The following ESR1 variants were observed in gnomAD, a reference collection of about 807,000 sequenced individuals.
The protein encoded by ESR1 is estrogen receptor 1, also known as estrogen receptor.
ESR1 carries 12 observed loss-of-function variants against 52.7 expected under a neutral mutation model. That is an observed-to-expected ratio of 0.23 (90% CI 0.15 to 0.37). The LOEUF (loss-of-function observed/expected upper bound fraction) is 0.37. Among genes scored for constraint, ESR1 ranks in the 10% least tolerant of loss-of-function variants. The pLI is 1.00. For synonymous variants in ESR1, 305 were observed against 316.8 expected (o/e 0.96, Z 0.39); for missense variants, 584 against 779.7 (o/e 0.75, Z 2.99).
At chr6:151,776,014 A>C (rs1436512247) in intron 2 of ESR1, among the ~76,000 whole-genome samples, 1 of 152,168 alleles carries the variant, frequency 6.6e-6, no homozygotes, top group Non-Finnish European at 1.5e-5. Flanking sequence ...CGGATCTTAA[A>C]TCCCTGAAAG....
chr6:151,897,627 T>A (rs185487396), intron 3 of ESR1, among the ~76,000 whole-genome samples: 2 of 152,220 alleles, frequency 1.3e-5, no homozygotes, highest in Admixed American at 1.3e-4. Context: ...GGTGATTGCT[T>A]ATCCATTCTG....
intron 1 of ESR1, among the ~76,000 whole-genome samples, chr6:151,828,214 G>A (rs1456164553): frequency 1.3e-5 from 2 of 152,170 alleles, no homozygotes; most frequent in African/African-American, 4.8e-5. Context: ...CACGGAATGA[G>A]TTCTACACAA....
intron 5 of ESR1, among the ~76,000 whole-genome samples, chr6:152,044,949 T>C (rs776363189): frequency 2.0e-5 from 3 of 152,200 alleles, no homozygotes. Flanking sequence ...GCTTTAGGGA[T>C]ATAGGGAAAA....
intron 6 of ESR1, among the ~76,000 whole-genome samples, chr6:152,090,039 AC>A (rs2050053877): frequency 6.6e-6 from 1 of 152,296 alleles, no homozygotes; most frequent in Admixed American, 6.5e-5. Flanking sequence ...CTGTCCAAAC[AC>A]CCTGTTAGGG....
intron 4 of ESR1, among the ~76,000 whole-genome samples, chr6:151,988,834 A>G (rs1375574468): frequency 6.6e-6 from 1 of 152,060 alleles, no homozygotes; most frequent in Admixed American, 6.5e-5. Flanking sequence ...TGAAAAAAAT[A>G]TCTTTTTTCT....
At chr6:152,032,740 T>C (rs1225907540) in intron 5 of ESR1, among the ~76,000 whole-genome samples, 3 of 152,052 alleles carry the variant, frequency 2.0e-5, no homozygotes, top group Admixed American at 6.6e-5. Context: ...GATTCAATGC[T>C]ATCCCCATCA....
At chr6:151,857,716 G>A (rs1276982105) in intron 2 of ESR1, among the ~76,000 whole-genome samples, 6 of 151,616 alleles carry the variant, frequency 4.0e-5, no homozygotes, top group African/African-American at 1.5e-4. Flanking sequence ...TTTAGTAGAG[G>A]CAGGGTTTCA....
At chr6:152,041,099 G>A (rs1353835922) in intron 5 of ESR1, among the ~76,000 whole-genome samples, 1 of 152,210 alleles carries the variant, frequency 6.6e-6, no homozygotes, top group South Asian at 2.1e-4. Flanking sequence ...CAGGCCAAGA[G>A]TTGTCTCTCA....
At chr6:151,989,642 T>C (rs2040828305) in intron 4 of ESR1, among the ~76,000 whole-genome samples, 1 of 152,138 alleles carries the variant, frequency 6.6e-6, no homozygotes, top group South Asian at 2.1e-4. Flanking sequence ...TGAATCCTGT[T>C]ACCTTCCATC....
exon 7 of ESR1, chr6:152,125,561 C>T (rs2053110546): frequency 1.8e-6 from 1 of 562,022 alleles, no homozygotes; most frequent in Non-Finnish European, 2.8e-6. Context: ...ATCAAATTTT[C>T]TTCAAAACAT....
At position 151,880,550 on chromosome 6, in the gene ESR1, G is replaced by A. The variant is rs9340845; in HGVS notation, c.644-105G>A. On this transcript the variant is annotated intron_variant, in intron 2 of 7. Transcript: ENST00000206249. ...GGCAGGCTGGGGAGCAACATAGTAA[G>A]GCTGAGGAAGTGATAGGAAAACAGC... The A allele has an allele frequency of 4.6e-4, 360 of 789,328 alleles. 2 individuals carry two copies. In the African/African-American group the frequency reaches 5.7e-3, roughly 12 times the overall value. 48.9% of individuals were successfully genotyped at this position (789,328 alleles called of 1,614,324 possible). A position where few individuals can be genotyped will look rare whatever the true frequency, so the allele number is the denominator to read the frequency against.
At chr6:151,685,295 G>A (rs919538933) in intron 1 of ESR1, among the ~76,000 whole-genome samples, 9 of 150,868 alleles carry the variant, frequency 6.0e-5, no homozygotes, top group Non-Finnish European at 1.0e-4. Context: ...CACCGCGCCC[G>A]GCTAATTTTT....
intron 1 of ESR1, chr6:151,811,389 A>C (rs558815572): frequency 2.6e-5 from 4 of 152,210 alleles, no homozygotes; most frequent in African/African-American, 7.2e-5. Context: ...TAACTATATC[A>C]ACTATCCTTT....
chr6:151,814,291 G>A (rs993929815), intron 1 of ESR1: 9 of 152,092 alleles, frequency 5.9e-5, no homozygotes, highest in African/African-American at 2.2e-4. Flanking sequence ...TCTTTCTTCT[G>A]TAGGTCTTTT....
intron 1 of ESR1, among the ~76,000 whole-genome samples, chr6:151,828,678 C>T (rs1190921198): frequency 1.3e-5 from 2 of 152,160 alleles, no homozygotes; most frequent in Admixed American, 1.3e-4. Context: ...ATAGCATGTC[C>T]AGACTCCAAA....
intron 6 of ESR1, among the ~76,000 whole-genome samples, chr6:152,108,621 A>G (rs935718445): frequency 6.6e-6 from 1 of 152,130 alleles, no homozygotes; most frequent in Non-Finnish European, 1.5e-5. Flanking sequence ...TACATATGCC[A>G]TGTGTTATTT....
chr6:152,063,293 A>G (rs535385723), intron 6 of ESR1, among the ~76,000 whole-genome samples: 1 of 152,328 alleles, frequency 6.6e-6, no homozygotes, highest in South Asian at 2.1e-4. Context: ...GACATAGTTT[A>G]TAGTTGTCTT....
intron 1 of ESR1, among the ~76,000 whole-genome samples, chr6:151,836,480 A>G (rs1370579403): frequency 6.6e-6 from 1 of 152,200 alleles, no homozygotes; most frequent in Non-Finnish European, 1.5e-5. Flanking sequence ...TGCCACCATG[A>G]TTTAATTACC....
At chr6:152,008,355 T>C (rs1017365818) in intron 4 of ESR1, among the ~76,000 whole-genome samples, 1 of 151,912 alleles carries the variant, frequency 6.6e-6, no homozygotes, top group East Asian at 1.9e-4. Context: ...TTTTGAGAGG[T>C]CTACAACATT....
Sources: allele counts gnomAD v4.1 joint callset (sites outside exome capture counted in the v4.1 genomes callset), GRCh38; gene constraint gnomAD v4.1.1; transcripts MANE v1.5; gene names NCBI Gene and HGNC (gene_info 2026-07-23, HGNC 2026-07-21).